Variants in KCNK9 observed in about 807,000 individuals in gnomAD.
KCNK9 encodes potassium two pore domain channel subfamily K member 9.
Under a neutral mutation model 10.8 loss-of-function variants are expected in KCNK9, and 1 was observed. That is an observed-to-expected ratio of 0.09 (90% CI 0.03 to 0.44). KCNK9 has a LOEUF of 0.44. KCNK9 is among the 20% of genes least tolerant of loss of function. KCNK9 has a pLI of 0.97. For synonymous variants in KCNK9, 231 were observed against 222.7 expected (o/e 1.04, Z -0.33); for missense variants, 303 against 515.0 (o/e 0.59, Z 3.98).
intron 1 of KCNK9, among the ~76,000 whole-genome samples, chr8:139,687,486 ATATACACATATATACATATATATG>A (rs200958235): frequency 0.36 from 23,406 of 64,234 alleles, 3,147 homozygotes; most frequent in Non-Finnish European, 0.4. Context: ...ATGTATACAT[ATATACACATATATACATATATATG>A]TATACACATA....
chr8:139,688,067 G>C (rs1283615154), intron 1 of KCNK9, among the ~76,000 whole-genome samples: 1 of 152,094 alleles, frequency 6.6e-6, no homozygotes, highest in East Asian at 1.9e-4. Flanking sequence ...CATGTTACCA[G>C]TTTTTAAATC....
intron 1 of KCNK9, among the ~76,000 whole-genome samples, chr8:139,671,274 C>T (rs1816420071): frequency 6.6e-6 from 1 of 152,202 alleles, no homozygotes; most frequent in Non-Finnish European, 1.5e-5. Flanking sequence ...GCTCAGCCCC[C>T]ATCACTCACT....
At chr8:139,700,504 ACACACGCGCGCGCGCG>A (rs1369592441) in intron 1 of KCNK9, among the ~76,000 whole-genome samples, 4 of 135,242 alleles carry the variant, frequency 3.0e-5, no homozygotes, top group African/African-American at 1.3e-4. Flanking sequence ...ACACACACAC[ACACACGCGCGCGCGCG>A]CACACACACA....
At chr8:139,643,063 C>A (rs1421739254) in intron 1 of KCNK9, among the ~76,000 whole-genome samples, 1 of 152,158 alleles carries the variant, frequency 6.6e-6, no homozygotes, top group Non-Finnish European at 1.5e-5. Flanking sequence ...CCTGTGGTCC[C>A]CCTGCCTGAC....
chr8:139,619,025 G>A lies in KCNK9; in HGVS notation c.358C>T (p.Leu120=), dbSNP rs1311307852. The change falls in exon 2 of 2, where the codon CTG becomes TTG. Residue 120 remains leucine, a synonymous_variant. Coordinates refer to ENST00000520439, the MANE Select transcript of KCNK9 (RefSeq NM_001282534.2). ...AGGCTCTGGAACATGACCAGTGTCAGCGGGATGCCCAGCACGGCGTAGAAC... is the reference window on the plus strand; with the variant it reads ...AGGCTCTGGAACATGACCAGTGTCAACGGGATGCCCAGCACGGCGTAGAAC... ...CMFYAVLGIP[L]TLVMFQSLGE... 6.2e-7 allele frequency: 1 copy of A among 1,614,258 alleles called. No individual in the cohort carries two copies. The highest frequency in any genetic ancestry group is 8.5e-7 in the Non-Finnish European group (1 of 1,180,046).
At chr8:139,658,395 T>C (rs1489245697) in intron 1 of KCNK9, among the ~76,000 whole-genome samples, 1 of 152,066 alleles carries the variant, frequency 6.6e-6, no homozygotes, top group Non-Finnish European at 1.5e-5. Flanking sequence ...AGCCCCCAGC[T>C]CTTTCCTCCA....
chr8:139,699,072 C>T (rs1409004870), intron 1 of KCNK9, among the ~76,000 whole-genome samples: 3 of 152,212 alleles, frequency 2.0e-5, no homozygotes, highest in Non-Finnish European at 4.4e-5. Context: ...AAAAACCCAC[C>T]TCTCCTTCCC....
intron 1 of KCNK9, among the ~76,000 whole-genome samples, chr8:139,626,390 G>A (rs1814976587): frequency 6.6e-6 from 1 of 152,170 alleles, no homozygotes; most frequent in African/African-American, 2.4e-5. Context: ...GAATGCCCAG[G>A]CCATTACCCC....
At chr8:139,606,266 C>G (rs1468227283) in intron 2 of KCNK9, among the ~76,000 whole-genome samples, 1 of 152,210 alleles carries the variant, frequency 6.6e-6, no homozygotes, top group African/African-American at 2.4e-5. Flanking sequence ...ATTTCCATCA[C>G]CCTCCCACAG....
rs959778384 is a variant in KCNK9, at chr8:139,654,858, T to A, written c.284-35759A>T. Among the ~76,000 whole-genome samples, 8 of 151,940 alleles carry A rather than the reference T, an allele frequency of 5.3e-5. No homozygotes were observed. The East Asian group carries it at 1.4e-3, about 26-fold the overall frequency. On this transcript the variant is annotated intron_variant, in intron 1 of 1. Transcript: ENST00000520439. The stretch of plus-strand genomic sequence containing the variant: ...GCAGTGGGCCGCTGGGGCCAGAGGA[T>A]GGCTGGGTGGGTGCAGAGGCAGGCG...
Position 139,603,960 on chromosome 8 carries a change from G to A in KCNK9, c.*1-2359C>T, listed in dbSNP as rs1192746343. ...GACCCCAGGATGCAGTTTAGCAACA[G>A]GTCCTGCCTCATGAGTTGGACGGTC... On this transcript the variant is annotated intron_variant, in intron 2 of 2. Coordinates refer to the KCNK9 transcript ENST00000650269. Among the ~76,000 whole-genome samples the A allele has an allele frequency of 2.6e-5, 4 of 152,358 alleles. No homozygotes were observed. The East Asian group carries it at 7.7e-4, about 29-fold the overall frequency.
intron 1 of KCNK9, among the ~76,000 whole-genome samples, chr8:139,631,703 A>T (rs1299550942): frequency 6.6e-6 from 1 of 152,220 alleles, no homozygotes; most frequent in South Asian, 2.1e-4. Flanking sequence ...GCCTAAATTT[A>T]AAAAACAAAG....
Position 139,618,855 on chromosome 8 carries a change from G to A in KCNK9, c.528C>T (p.Ala176=), listed in dbSNP as rs777257931. 1.1e-5 allele frequency: 18 copies of A among 1,614,114 alleles called. No homozygotes were observed. The highest frequency in any genetic ancestry group is 8.3e-5 in the Admixed American group (5 of 60,006). The change falls in exon 2 of 2, where the codon GCC becomes GCT. Residue 176 remains alanine (A), a synonymous_variant. Transcript: ENST00000520439. This position sits in a 1 kb window ranked among gnomAD's most constrained non-coding sequence, Gnocchi z 7.9. The stretch of plus-strand genomic sequence containing the variant: ...TCCACTCCTCACACTGGGAGAAGGC[G>A]GCCGCCCCGATGCACAGCGTCCCCA... ...SCMGTLCIGA[A]AFSQCEEWSF... is the part of the protein sequence containing the mutation.
At chr8:139,697,954 G>A (rs1817103055) in intron 1 of KCNK9, among the ~76,000 whole-genome samples, 1 of 152,168 alleles carries the variant, frequency 6.6e-6, no homozygotes, top group African/African-American at 2.4e-5. Context: ...TACCCTGCTG[G>A]ACATTACCAA....
At chr8:139,603,924 T>C (rs985302653) in intron 2 of KCNK9, among the ~76,000 whole-genome samples, 4 of 152,218 alleles carry the variant, frequency 2.6e-5, no homozygotes, top group Admixed American at 6.5e-5. Context: ...TCCACATTCT[T>C]GGAGCCACTG....
intron 1 of KCNK9, among the ~76,000 whole-genome samples, chr8:139,626,696 C>T (rs1272999503): frequency 6.6e-6 from 1 of 152,194 alleles, no homozygotes; most frequent in Non-Finnish European, 1.5e-5. Flanking sequence ...ACAGGCTGCC[C>T]AGCACCGGAA....
At chr8:139,668,380 G>A (rs1011528791) in intron 1 of KCNK9, among the ~76,000 whole-genome samples, 20 of 151,574 alleles carry the variant, frequency 1.3e-4, no homozygotes, top group Admixed American at 9.8e-4. Context: ...TAGACACAAT[G>A]GTACTGCACA....
intron 1 of KCNK9, among the ~76,000 whole-genome samples, chr8:139,674,248 C>G (rs112706598): frequency 0.01 from 1,554 of 152,274 alleles, 25 homozygotes; most frequent in African/African-American, 0.036. Context: ...AAGAGGAAGG[C>G]GATGACCTCT....
At chr8:139,671,289 C>T (rs1816420319) in intron 1 of KCNK9, among the ~76,000 whole-genome samples, 2 of 152,166 alleles carry the variant, frequency 1.3e-5, no homozygotes, top group South Asian at 2.1e-4. Context: ...CTCACTGATG[C>T]ACCCTCCTAG....
Sources: allele counts gnomAD v4.1 joint callset (sites outside exome capture counted in the v4.1 genomes callset), GRCh38; gene constraint gnomAD v4.1.1; non-coding constraint Gnocchi (gnomAD v3.1); transcripts MANE v1.5; gene names NCBI Gene and HGNC (gene_info 2026-07-23, HGNC 2026-07-21).